Variants in RASAL3 observed in about 807,000 individuals in gnomAD.
The protein encoded by RASAL3 is RAS protein activator like-3.
A neutral mutation model predicts 105.5 loss-of-function variants in RASAL3; 74 were observed. The ratio of observed to expected loss-of-function variants is 0.70; its 90% CI spans 0.58 to 0.85. The LOEUF (loss-of-function observed/expected upper bound fraction) is 0.85, where lower values mean the gene tolerates loss of function less well. Ranked by LOEUF, RASAL3 falls within the 40% of genes least tolerant of loss-of-function variation. RASAL3 has a pLI of 0.00. For synonymous variants in RASAL3, 579 were observed against 591.6 expected, an observed-to-expected ratio of 0.98 and a Z score of 0.31; for missense variants, 1,352 against 1,392.0, an observed-to-expected ratio of 0.97 and a Z score of 0.46.
Position 15,461,065 on chromosome 19 carries a change from C to A in RASAL3, c.601G>T (p.Val201Phe). The A allele has an allele frequency of 6.2e-7, 1 of 1,613,890 alleles. No homozygotes were observed. Among genetic ancestry groups the A allele is most frequent in the Middle Eastern group, 1.6e-4 (1 of 6,062 alleles). ...ACCTTCACTGGCTGCCTTACCCGAA[C>A]GTTGTGGACCTGGTTGGGACCAGCA... ...ETAGPNQVHN[V>F]RGLLKRLKEK... The change falls in exon 5 of 18, where the codon GTT (valine) becomes TTT (phenylalanine). Residue 201 changes from valine (V) to phenylalanine (F), a missense_variant. By Grantham distance (50) the Val-to-Phe change is conservative. This residue lies in a region of RASAL3 where 344 missense variants were observed against 339.6 expected (regional missense o/e 1.01). Transcript: ENST00000343625.
At position 15,456,165 on chromosome 19, in the gene RASAL3, G is replaced by A. The variant is rs1970310620; in HGVS notation, c.1660C>T (p.His554Tyr). Reference sequence around the variant, plus strand: ...CAGCTGTTCCGAAGTCTGGCCTGGTGCTCTGGCAGCTCCGAGGCTGGACAT... The same window carrying A: ...CAGCTGTTCCGAAGTCTGGCCTGGTACTCTGGCAGCTCCGAGGCTGGACAT... ...SKCPASELPE[H>Y]QARLRNSCEE... The change falls in exon 11 of 18, where the codon CAC (histidine) becomes TAC (tyrosine). Residue 554 changes from histidine (H) to tyrosine (Y), a missense_variant. This residue lies in a region of RASAL3 where 920 missense variants were observed against 919.6 expected (regional missense o/e 1.00). Transcript: ENST00000343625. This position sits in a 1 kb window ranked among gnomAD's most constrained non-coding sequence, Gnocchi z 4.4. 6.2e-7 allele frequency: 1 copy of A among 1,613,836 alleles called. No individual in the cohort carries two copies. The highest frequency in any genetic ancestry group is 1.7e-5 in the Admixed American group (1 of 59,988).
intron 16 of RASAL3, chr19:15,452,443 A>G: frequency 1.7e-6 from 1 of 586,662 alleles, no homozygotes; most frequent in Non-Finnish European, 3.0e-6. Context: ...CCTGGATGAG[A>G]GAATCTGCCA....
chr19:15,456,488 C>T lies in RASAL3; in HGVS notation c.1576+14G>A, dbSNP rs1167476951. 3 of 1,613,296 alleles carry T rather than the reference C, an allele frequency of 1.9e-6. No homozygotes were observed. The highest frequency in any genetic ancestry group is 1.7e-6 in the Non-Finnish European group (2 of 1,179,584). ...CACCAGCAGGCCGCTGACATGGACTCTCCCCCAGCTCACCCAGGGTCTCCT... is the reference window on the plus strand; with the variant it reads ...CACCAGCAGGCCGCTGACATGGACTTTCCCCCAGCTCACCCAGGGTCTCCT... On this transcript the variant is annotated intron_variant, in intron 10 of 17. Coordinates refer to ENST00000343625, the MANE Select transcript of RASAL3 (RefSeq NM_022904.3). The surrounding 1 kb of genome is among the most constrained non-coding windows in gnomAD (Gnocchi z 4.4).
intron 6 of RASAL3, among the ~76,000 whole-genome samples, chr19:15,459,798 A>G (rs892063726): frequency 1.3e-5 from 2 of 151,964 alleles, no homozygotes; most frequent in Admixed American, 1.3e-4. Context: ...TGGCCTCCCA[A>G]AGTGCTGGGA....
chr19:15,458,111 G>C, intron 8 of RASAL3: 1 of 628,796 alleles, frequency 1.6e-6, no homozygotes, highest in South Asian at 1.9e-5. Context: ...AGGGCTTTGG[G>C]TGCATATGGG....
Position 15,456,690 on chromosome 19 carries a change from T to C in RASAL3, c.1432-44A>G. 1 of 1,593,644 alleles carries C rather than the reference T, an allele frequency of 6.3e-7. No homozygotes were observed. Among genetic ancestry groups the C allele is most frequent in the Non-Finnish European group, 8.5e-7 (1 of 1,172,898 alleles). The stretch of plus-strand genomic sequence containing the variant: ...CAGGTTGCACCAGATGCAGACAGAG[T>C]CCAAGGGAATTCGGATCCTTGGCTG... On this transcript the variant is annotated intron_variant, in intron 9 of 17. Transcript: ENST00000343625. This position sits in a 1 kb window ranked among gnomAD's most constrained non-coding sequence, Gnocchi z 4.4.
chr19:15,464,136 G>A lies in RASAL3; in HGVS notation c.223C>T (p.Pro75Ser). The A allele has an allele frequency of 6.2e-7, 1 of 1,613,662 alleles. No homozygotes were observed. Among genetic ancestry groups the A allele is most frequent in the South Asian group, 1.1e-5 (1 of 91,040 alleles). ...AGGCGACTGGTCCGTGACTCCTTGG[G>A]AGGCGCAGATAGGACCCGACGGAAT... ...SIFRRVLSAP[P>S]KESRTSRLRL... The change falls in exon 2 of 18, where the codon CCC becomes TCC. Residue 75 changes from proline (P) to serine (S), a missense_variant. This residue lies in a region of RASAL3 where 344 missense variants were observed against 339.6 expected (regional missense o/e 1.01). Transcript: ENST00000343625.
intron 2 of RASAL3, among the ~76,000 whole-genome samples, chr19:15,462,070 G>T (rs1200195917): frequency 6.6e-6 from 1 of 152,086 alleles, no homozygotes; most frequent in East Asian, 1.9e-4. Context: ...AACAGGACAG[G>T]GGCTGGGCAA....
chr19:15,462,670 G>T (rs1970546524), intron 2 of RASAL3, among the ~76,000 whole-genome samples: 1 of 151,280 alleles, frequency 6.6e-6, no homozygotes, highest in South Asian at 2.1e-4. Context: ...GTTGGGCCTG[G>T]GGCCGGGCGC....
intron 16 of RASAL3, 62 bp from the exon 17 acceptor site, chr19:15,452,170 G>C: frequency 6.4e-7 from 1 of 1,565,952 alleles, no homozygotes. Flanking sequence ...CCAGCTCCTG[G>C]TGGGAGTGCC....
Position 15,458,652 on chromosome 19 carries a change from G to T in RASAL3, c.666C>A (p.Pro222=). 2 of 1,612,904 alleles carry T rather than the reference G, an allele frequency of 1.2e-6. No individual in the cohort carries two copies. The highest frequency in any genetic ancestry group is 1.7e-6 in the Non-Finnish European group (2 of 1,179,542). ...ACTCCCTAGAGCCCAGAGCACTGGG[G>T]GGTCTGGGAAGGGGGTGGGTGAGCA... The part of the protein sequence containing the change: ...KKARLEPRDG[P]PSALGSRESL... The change falls in exon 7 of 18, where the codon CCC becomes CCA. Residue 222 remains proline (P), a synonymous_variant. Coordinates refer to ENST00000343625, the MANE Select transcript of RASAL3 (RefSeq NM_022904.3).
In RASAL3 at chr19:15,454,159, C is replaced by T. The variant is rs1417420561; in HGVS notation, c.2269G>A (p.Val757Ile). ...PMRLPLPPAQ[V>I]HSSLSAGEKP... ...CAGACTTGAGGTTACCTGGAGTGGA[C>T]CTGGGCCGGGGGCAGTGGGAGACGC... The change falls in exon 14 of 18, where the codon GTC becomes ATC. Residue 757 changes from valine to isoleucine, a missense_variant. Around this residue, in one of 3 missense-constraint regions of RASAL3, gnomAD observed 920 missense variants for 919.6 expected, o/e 1.00. Coordinates refer to ENST00000343625, the MANE Select transcript of RASAL3 (RefSeq NM_022904.3). 47 of 1,561,252 alleles carry T rather than the reference C, an allele frequency of 3.0e-5. No homozygotes were observed. The highest frequency in any genetic ancestry group is 4.1e-5 in the Non-Finnish European group (47 of 1,152,316).
At chr19:15,461,650 C>T (rs749008042) in intron 2 of RASAL3, 43 bp from the exon 3 acceptor site, 72 of 1,467,688 alleles carry the variant, frequency 4.9e-5, no homozygotes, top group Non-Finnish European at 6.4e-5. Flanking sequence ...GAGACGTTTT[C>T]TCTCCCTCAG....
rs1970169474 is a variant in RASAL3 at position 15,452,119 on chromosome 19, C to T, written c.2829-11G>A. ...TCAAACTCTGAGCTCCTGTGGGGGT[C>T]GGGGGATTGGGGCGAAGGGCAGAGG... On this transcript the variant is annotated splice_polypyrimidine_tract_variant and intron_variant, in intron 16 of 17. Transcript: ENST00000343625. The T allele has an allele frequency of 1.9e-6, 3 of 1,613,490 alleles. No homozygotes were observed. The highest frequency in any genetic ancestry group is 2.7e-5 in the African/African-American group (2 of 74,896).
In RASAL3 at chr19:15,454,600, C is replaced by T. The variant is rs755860340; in HGVS notation, c.1959-38G>A. 3.1e-6 allele frequency: 5 copies of T among 1,612,362 alleles called. No individual in the cohort carries two copies. The African/African-American group carries it at 4.0e-5, about 13-fold the overall frequency. The stretch of plus-strand genomic sequence containing the variant: ...CAGGCTGGGTGGGTCAGGTCAGGCA[C>T]CTGCCACCCCCACACTCCCAGCATG... On this transcript the variant is annotated intron_variant, in intron 12 of 17. Coordinates refer to ENST00000343625, the MANE Select transcript of RASAL3 (RefSeq NM_022904.3).
Position 15,464,360 on chromosome 19 carries a change from G to T in RASAL3, c.-2C>A, listed in dbSNP as rs1340535553. On this transcript the variant is annotated 5_prime_UTR_variant, in exon 2 of 18. Transcript: ENST00000343625. ...CCGGCTTGGCGACGGTGGGTCCATG[G>T]TTGGGGGGGGGGGTCTCCTGGGGGA... 3 of 1,526,826 alleles carry T rather than the reference G, an allele frequency of 2.0e-6. No individual in the cohort carries two copies. Among genetic ancestry groups the T allele is most frequent in the Non-Finnish European group, 2.6e-6 (3 of 1,139,514 alleles). 94.6% of individuals were successfully genotyped at this position (1,526,826 alleles called of 1,614,324 possible). A position where few individuals can be genotyped will look rare whatever the true frequency, so the allele number is the denominator to read the frequency against.
Position 15,453,146 on chromosome 19 carries a change from G to C in RASAL3, c.2631C>G (p.Asp877Glu), listed in dbSNP as rs774492792. ...PWQRQMDQPQ[D>E]RNQALGTHRP... is the part of the protein sequence containing the mutation. Reference sequence around the variant, plus strand: ...GGTGCGTGCCCAGTGCCTGGTTTCGGTCTTGCGGCTGGTCCATTTGGCGCT... The same window carrying C: ...GGTGCGTGCCCAGTGCCTGGTTTCGCTCTTGCGGCTGGTCCATTTGGCGCT... The change falls in exon 15 of 18, where the codon GAC becomes GAG. Residue 877 changes from aspartate to glutamate, a missense_variant. Physicochemically the swap from Asp to Glu is conservative, Grantham distance 45 (BLOSUM62 2). Around this residue, in one of 3 missense-constraint regions of RASAL3, gnomAD observed 920 missense variants for 919.6 expected, o/e 1.00. Coordinates refer to ENST00000343625, the MANE Select transcript of RASAL3 (RefSeq NM_022904.3). This position sits in a 1 kb window ranked among gnomAD's most constrained non-coding sequence, Gnocchi z 4.2. 27 of 1,613,720 alleles carry C rather than the reference G, an allele frequency of 1.7e-5. No individual in the cohort carries two copies. In the East Asian group the frequency reaches 3.8e-4, roughly 23 times the overall value.
At position 15,451,673 on chromosome 19, in the gene RASAL3, T is replaced by G; in HGVS notation, c.*122A>C. On this transcript the variant is annotated 3_prime_UTR_variant, in exon 18 of 18. Transcript: ENST00000343625. Reference sequence around the variant, plus strand: ...GGGCAACTTCATACTGCCAGAGTGGTTGGGACCAGCAGCTCCACTCCCCAC... The same window carrying G: ...GGGCAACTTCATACTGCCAGAGTGGGTGGGACCAGCAGCTCCACTCCCCAC... 9.4e-7 allele frequency: 1 copy of G among 1,061,586 alleles called. No individual in the cohort carries two copies. The highest frequency in any genetic ancestry group is 1.3e-6 in the Non-Finnish European group (1 of 741,846). 65.8% of individuals were successfully genotyped at this position (1,061,586 alleles called of 1,614,324 possible). A position where few individuals can be genotyped will look rare whatever the true frequency, so the allele number is the denominator to read the frequency against.
In RASAL3 at chr19:15,456,194, C is replaced by T; in HGVS notation, c.1631G>A (p.Ser544Asn). The T allele has an allele frequency of 6.2e-7, 1 of 1,613,814 alleles. No homozygotes were observed. Among genetic ancestry groups the T allele is most frequent in the Non-Finnish European group, 8.5e-7 (1 of 1,179,828 alleles). ...ASTEDCEVDP[S>N]KCPASELPEH... ...TGGCAGCTCCGAGGCTGGACATTTGCTGGGGTCCACTTCACAGTCCTCAGT... is the reference window on the plus strand; with the variant it reads ...TGGCAGCTCCGAGGCTGGACATTTGTTGGGGTCCACTTCACAGTCCTCAGT... The change falls in exon 11 of 18, where the codon AGC becomes AAC. Residue 544 changes from serine to asparagine, a missense_variant. Ser to Asn is a conservative substitution (Grantham distance 46). Coordinates refer to ENST00000343625, the MANE Select transcript of RASAL3 (RefSeq NM_022904.3). This position sits in a 1 kb window ranked among gnomAD's most constrained non-coding sequence, Gnocchi z 4.4.
Sources: gnomAD v4.1 joint callset for allele counts (sites outside exome capture counted in the v4.1 genomes callset) on GRCh38, gnomAD v4.1.1 for gene constraint, gnomAD v4.1.1 regional missense constraint, Gnocchi (gnomAD v3.1) non-coding constraint, MANE v1.5 for transcripts, NCBI Gene and HGNC (gene_info 2026-07-23, HGNC 2026-07-21) for gene names.